Variants in EDIL3 observed in about 807,000 individuals in gnomAD.
EDIL3 encodes the protein EGF like and discoidin domains 3, also known as EGF-like repeat and discoidin I-like domain-containing protein 3.
Under a neutral mutation model 67.4 loss-of-function variants are expected in EDIL3, and 37 were observed. The ratio of observed to expected loss-of-function variants is 0.55; its 90% CI spans 0.42 to 0.72. The LOEUF (loss-of-function observed/expected upper bound fraction) is 0.72, where lower values mean the gene tolerates loss of function less well. EDIL3 is among the 30% of genes least tolerant of loss of function. The pLI, the probability that EDIL3 is intolerant of heterozygous loss-of-function variation, is 0.00. For synonymous variants in EDIL3, 195 were observed against 196.3 expected (o/e 0.99, Z 0.05); for missense variants, 527 against 586.3 (o/e 0.90, Z 1.04).
At chr5:84,183,214 G>T (rs1749045910) in intron 3 of EDIL3, among the ~76,000 whole-genome samples, 3 of 151,796 alleles carry the variant, frequency 2.0e-5, no homozygotes, top group Admixed American at 2.0e-4. Context: ...AAATACTGAA[G>T]GTCAGAAAGA....
intron 1 of EDIL3, among the ~76,000 whole-genome samples, chr5:84,270,574 A>G (rs1343222820): frequency 6.6e-6 from 1 of 152,174 alleles, no homozygotes; most frequent in Non-Finnish European, 1.5e-5. Context: ...ATGTATACTG[A>G]GAGGGTGAAA....
intron 3 of EDIL3, among the ~76,000 whole-genome samples, chr5:84,187,223 G>A (rs1743479026): frequency 6.6e-6 from 1 of 152,030 alleles, no homozygotes; most frequent in Admixed American, 6.6e-5. Flanking sequence ...GCTCATATAA[G>A]TATGTCAACA....
intron 3 of EDIL3, among the ~76,000 whole-genome samples, chr5:84,187,064 A>G (rs188535549): frequency 6.6e-6 from 1 of 152,208 alleles, no homozygotes; most frequent in East Asian, 1.9e-4. Context: ...TCAAGATACA[A>G]GAGGCTTTAG....
chr5:83,975,755 G>A (rs775769332), intron 9 of EDIL3, among the ~76,000 whole-genome samples: 23 of 151,826 alleles, frequency 1.5e-4, no homozygotes, highest in Non-Finnish European at 3.4e-4. Flanking sequence ...TTAAACAAAA[G>A]AGGAATCTTG....
chr5:84,139,740 T>C (rs778104500), intron 4 of EDIL3, among the ~76,000 whole-genome samples: 6 of 152,300 alleles, frequency 3.9e-5, no homozygotes, highest in South Asian at 2.1e-4. Flanking sequence ...GGAAACTAAG[T>C]GGTCATGTCT....
intron 9 of EDIL3, among the ~76,000 whole-genome samples, chr5:83,987,730 C>A (rs1024232606): frequency 7.9e-5 from 12 of 152,024 alleles, no homozygotes; most frequent in African/African-American, 2.2e-4. Context: ...TGTGTCCAAA[C>A]CTCTGTATCT....
chr5:84,102,543 C>T (rs1456858578), intron 6 of EDIL3, among the ~76,000 whole-genome samples: 3 of 151,634 alleles, frequency 2.0e-5, no homozygotes, highest in African/African-American at 7.3e-5. Context: ...ACTGGCATTC[C>T]TATATAGCAA....
chr5:84,258,249 G>A (rs370257110), intron 1 of EDIL3, among the ~76,000 whole-genome samples: 8 of 152,228 alleles, frequency 5.3e-5, no homozygotes, highest in African/African-American at 1.2e-4. Context: ...TAATGTCTGC[G>A]AATGACAAAA....
At chr5:84,343,588 C>A (rs1747170535) in intron 1 of EDIL3, among the ~76,000 whole-genome samples, 1 of 151,988 alleles carries the variant, frequency 6.6e-6, no homozygotes, top group African/African-American at 2.4e-5. Flanking sequence ...ATAATATCTC[C>A]ATGAGAACTC....
chr5:83,995,315 A>G (rs938514790), intron 9 of EDIL3, among the ~76,000 whole-genome samples: 6 of 152,252 alleles, frequency 3.9e-5, no homozygotes, highest in African/African-American at 1.4e-4. Context: ...ATTTGTACAT[A>G]AACACACATT....
At chr5:84,248,263 G>A (rs1025859495) in intron 2 of EDIL3, among the ~76,000 whole-genome samples, 1 of 152,068 alleles carries the variant, frequency 6.6e-6, no homozygotes, top group Non-Finnish European at 1.5e-5. Flanking sequence ...TGTAATCAAA[G>A]GAAATGCTTA....
intron 9 of EDIL3, among the ~76,000 whole-genome samples, chr5:83,984,977 A>C (rs199592880): frequency 1.5e-5 from 2 of 135,412 alleles, no homozygotes; most frequent in African/African-American, 2.7e-5. Flanking sequence ...ACACACACAC[A>C]CCCCATAAAC....
At chr5:84,207,439 A>C (rs1430352928) in intron 3 of EDIL3, among the ~76,000 whole-genome samples, 2 of 152,246 alleles carry the variant, frequency 1.3e-5, no homozygotes, top group Admixed American at 1.3e-4. Flanking sequence ...CATGGGTAGG[A>C]AGAATCAATA....
chr5:84,002,884 C>A lies in EDIL3; in HGVS notation c.1138-39524G>T, dbSNP rs894431470. Among the ~76,000 whole-genome samples the A allele has an allele frequency of 2.6e-5, 4 of 152,122 alleles. No individual in the cohort carries two copies. The East Asian group carries it at 7.7e-4, about 29-fold the overall frequency. On this transcript the variant is annotated intron_variant, in intron 9 of 10. Transcript: ENST00000296591. ...GGCCAGTTTCTCTTCCCTGTGAACC[C>A]TTCAACCCCTGCTCTTCTCTAGGCA...
chr5:84,337,518 T>A (rs1185672865), intron 1 of EDIL3, among the ~76,000 whole-genome samples: 1 of 152,082 alleles, frequency 6.6e-6, no homozygotes, highest in African/African-American at 2.4e-5. Context: ...TACATGTATA[T>A]CTTCAGGGGA....
Position 84,384,345 on chromosome 5 carries a change from C to A in EDIL3, c.30G>T (p.Leu10Phe), listed in dbSNP as rs368047644. 1.7e-5 allele frequency: 27 copies of A among 1,612,404 alleles called. No homozygotes were observed. The African/African-American group carries it at 3.5e-4, about 21-fold the overall frequency. The change falls in exon 1 of 11, where the codon TTG becomes TTT. Residue 10 changes from leucine (L) to phenylalanine (F), a missense_variant. Coordinates refer to ENST00000296591, the MANE Select transcript of EDIL3 (RefSeq NM_005711.5). ...GGGGGACACCGAGGCTGAGCCCGAC[C>A]AAGAGCCAGACGGCTACCGAGCGCT... is the stretch of plus-strand genomic sequence containing the variant. MKRSVAVWL[L>F]VGLSLGVPQF...
chr5:84,384,319 T>G lies in EDIL3; in HGVS notation c.56A>C (p.Gln19Pro). 1 of 1,610,164 alleles carries G rather than the reference T, an allele frequency of 6.2e-7. No homozygotes were observed. Among genetic ancestry groups the G allele is most frequent in the Non-Finnish European group, 8.5e-7 (1 of 1,178,300 alleles). ...TCCCGACGCCTTACCTTTGCCGAAC[T>G]GGGGGACACCGAGGCTGAGCCCGAC... The part of the protein sequence containing the change: ...LLVGLSLGVP[Q>P]FGKGDICDPN... Residue 19 changes from glutamine (Q) to proline (P), a missense_variant, in exon 1 of 11, where the codon CAG becomes CCG. By Grantham distance (76) the Gln-to-Pro change is moderately conservative. This residue lies in a region of EDIL3 where 494 missense variants were observed against 522.5 expected (regional missense o/e 0.95). Coordinates refer to ENST00000296591, the MANE Select transcript of EDIL3 (RefSeq NM_005711.5).
chr5:84,132,388 T>TTTTAATATATATTATATATA (rs1747993696), intron 5 of EDIL3, among the ~76,000 whole-genome samples: 2 of 44,856 alleles, frequency 4.5e-5, no homozygotes, highest in Non-Finnish European at 4.2e-5. Context: ...TATAATATAT[T>TTTTAATATATATTATATATA]TTATATATAA....
chr5:84,079,345 C>T (rs72774779), intron 6 of EDIL3, among the ~76,000 whole-genome samples: 9,955 of 152,132 alleles, frequency 0.065, 457 homozygotes, highest in Middle Eastern at 0.12. Context: ...ATGCAATTAG[C>T]GTCTGAAGTC....
Sources: allele counts gnomAD v4.1 joint callset (sites outside exome capture counted in the v4.1 genomes callset), GRCh38; gene constraint gnomAD v4.1.1; regional missense constraint gnomAD v4.1.1; transcripts MANE v1.5; gene names NCBI Gene and HGNC (gene_info 2026-07-23, HGNC 2026-07-21).